Variants in CDH11 observed in about 807,000 individuals in gnomAD.
CDH11 encodes the protein cadherin-11.
CDH11 carries 11 observed loss-of-function variants against 67.8 expected under a neutral mutation model. The observed-to-expected ratio is 0.16, with a 90% CI of 0.10 to 0.27. The LOEUF (loss-of-function observed/expected upper bound fraction) is 0.27, where lower values mean the gene tolerates loss of function less well. Ranked by LOEUF, CDH11 falls within the 10% of genes least tolerant of loss-of-function variation. CDH11 has a pLI of 1.00. For synonymous variants in CDH11, 419 were observed against 400.0 expected, an observed-to-expected ratio of 1.05 and a Z score of -0.57; for missense variants, 847 against 1,031.2, an observed-to-expected ratio of 0.82 and a Z score of 2.45.
intron 1 of CDH11, among the ~76,000 whole-genome samples, chr16:65,085,536 C>G (rs1304868936): frequency 6.6e-6 from 1 of 152,332 alleles, no homozygotes; most frequent in East Asian, 1.9e-4. Context: ...TCCTCAAGTA[C>G]TTAACACGTG....
At chr16:65,048,547 A>G (rs1042303488) in intron 2 of CDH11, among the ~76,000 whole-genome samples, 3 of 148,682 alleles carry the variant, frequency 2.0e-5, no homozygotes, top group African/African-American at 7.9e-5. Context: ...GTGTGTGTGT[A>G]TATACATATA....
chr16:64,946,321 T>C lies in CDH11; in HGVS notation c.*1282A>G, dbSNP rs2071195568. On this transcript the variant is annotated 3_prime_UTR_variant, in exon 13 of 13. Coordinates refer to ENST00000268603, the MANE Select transcript of CDH11 (RefSeq NM_001797.4). ...TAACATTAGAGTCTGGGCAAATTTA[T>C]ATTTTTGACTCTAGTCCCCCAGTTC... The C allele has an allele frequency of 9.6e-7, 1 of 1,043,664 alleles. No individual in the cohort carries two copies. Among genetic ancestry groups the C allele is most frequent in the Admixed American group, 5.6e-5 (1 of 17,908 alleles). 64.7% of individuals were successfully genotyped at this position (1,043,664 alleles called of 1,614,324 possible).
Position 65,052,216 on chromosome 16 carries a change from C to T in CDH11, c.-173+1588G>A, listed in dbSNP as rs146923941. On this transcript the variant is annotated intron_variant, in intron 2 of 12. Coordinates refer to ENST00000268603, the MANE Select transcript of CDH11 (RefSeq NM_001797.4). ...CTAAGTGCATACTTTGGCCCAGATA[C>T]AGTACTTGCAACTGGGAGCACAGTG... 4.0e-3 allele frequency among the ~76,000 whole-genome samples: 606 copies of T among 152,224 alleles called. 14 individuals carry two copies. Among genetic ancestry groups the T allele is most frequent in the East Asian group, 2.5e-3 (13 of 5,162 alleles).
rs947981841 is a variant in CDH11 at position 65,053,561 on chromosome 16, C to T, written c.-173+243G>A. Among the ~76,000 whole-genome samples the T allele has an allele frequency of 2.0e-5, 3 of 152,314 alleles. No homozygotes were observed. The South Asian group carries it at 6.2e-4, about 32-fold the overall frequency. On this transcript the variant is annotated intron_variant, in intron 2 of 12. Coordinates refer to ENST00000268603, the MANE Select transcript of CDH11 (RefSeq NM_001797.4). ...TCCCTTTAGTTCCTTCTTTCTCCTCCAGATCTTACTATTACTAGCACATAA... is the reference window on the plus strand; with the variant it reads ...TCCCTTTAGTTCCTTCTTTCTCCTCTAGATCTTACTATTACTAGCACATAA...
intron 2 of CDH11, chr16:65,006,815 T>C (rs1432764003): frequency 2.0e-5 from 3 of 152,232 alleles, no homozygotes; most frequent in Non-Finnish European, 4.4e-5. Context: ...GTTGCAGGTC[T>C]TTGCCATGCT....
intron 1 of CDH11, among the ~76,000 whole-genome samples, chr16:65,089,920 T>G (rs1482049213): frequency 6.6e-6 from 1 of 152,158 alleles, no homozygotes; most frequent in Non-Finnish European, 1.5e-5. Flanking sequence ...TTATTTTCAA[T>G]AATAATATAT....
chr16:65,030,180 T>A (rs375448019), intron 2 of CDH11, among the ~76,000 whole-genome samples: 1 of 152,208 alleles, frequency 6.6e-6, no homozygotes, highest in African/African-American at 2.4e-5. Context: ...GAAATTAACT[T>A]GTGTGGGAAC....
In CDH11 at chr16:65,083,368, T is replaced by C. The variant is rs180986825; in HGVS notation, c.-297-29440A>G. The stretch of plus-strand genomic sequence containing the variant: ...TGAGAGCACATTATTATGCCTGACA[T>C]GGTAAGTGGCATTGAGCCAGGACAG... On this transcript the variant is annotated intron_variant, in intron 1 of 12. Transcript: ENST00000268603. Among the ~76,000 whole-genome samples the C allele has an allele frequency of 5.2e-3, 799 of 152,324 alleles. 9 individuals carry two copies. Among genetic ancestry groups the C allele is most frequent in the Middle Eastern group, 0.01 (3 of 294 alleles).
chr16:65,086,704 G>A (rs1281609996), intron 1 of CDH11, among the ~76,000 whole-genome samples: 1 of 152,172 alleles, frequency 6.6e-6, no homozygotes, highest in Non-Finnish European at 1.5e-5. Context: ...GAAGGCCAGG[G>A]TTAGGGCTCT....
intron 1 of CDH11, among the ~76,000 whole-genome samples, chr16:65,062,194 C>A (rs2062466916): frequency 6.6e-6 from 1 of 152,160 alleles, no homozygotes; most frequent in African/African-American, 2.4e-5. Flanking sequence ...CGAAGGAGAA[C>A]CCATGCATGT....
At chr16:64,989,967 A>G (rs1190515453) in intron 6 of CDH11, among the ~76,000 whole-genome samples, 2 of 152,148 alleles carry the variant, frequency 1.3e-5, no homozygotes, top group East Asian at 3.9e-4. Context: ...TGGATTCATA[A>G]TCTATTTAAT....
At chr16:65,009,790 T>C (rs1691072962) in intron 2 of CDH11, among the ~76,000 whole-genome samples, 1 of 151,970 alleles carries the variant, frequency 6.6e-6, no homozygotes, top group Non-Finnish European at 1.5e-5. Flanking sequence ...GAGGGAAAAA[T>C]AAATGTTGTT....
rs376887706 is a variant in CDH11 at position 65,108,397 on chromosome 16, T to C, written c.-298+13483A>G. 3.9e-5 allele frequency among the ~76,000 whole-genome samples: 6 copies of C among 152,292 alleles called. No homozygotes were observed. In the South Asian group the frequency reaches 1.2e-3, roughly 32 times the overall value. ...CCCAGCTCTAACTACTAAATTGCAA[T>C]TTTTACTCTAAGATAATAATACTGA... On this transcript the variant is annotated intron_variant, in intron 1 of 12. Transcript: ENST00000268603.
intron 1 of CDH11, among the ~76,000 whole-genome samples, chr16:65,078,845 G>A (rs1348694327): frequency 6.6e-6 from 1 of 152,148 alleles, no homozygotes; most frequent in African/African-American, 2.4e-5. Context: ...GTATTTGGCA[G>A]AATGTCAACC....
At chr16:65,051,789 T>A (rs1246828437) in intron 2 of CDH11, among the ~76,000 whole-genome samples, 1 of 152,194 alleles carries the variant, frequency 6.6e-6, no homozygotes, top group Non-Finnish European at 1.5e-5. Flanking sequence ...TCTGCCACCT[T>A]GTGAAGAAGA....
intron 7 of CDH11, chr16:64,987,842 G>T (rs865862863): frequency 3.1e-5 from 7 of 225,960 alleles, no homozygotes; most frequent in Non-Finnish European, 6.0e-5. Flanking sequence ...GCTCAGGGCT[G>T]CTTCTTCAAA....
At chr16:65,050,558 T>C (rs909097470) in intron 2 of CDH11, among the ~76,000 whole-genome samples, 5 of 152,192 alleles carry the variant, frequency 3.3e-5, no homozygotes, top group Non-Finnish European at 7.3e-5. Flanking sequence ...TTCTTCAAAA[T>C]CCTTACAGTG....
chr16:65,068,413 GAAAAAAAAAAAAAAAAA>G (rs57968272), intron 1 of CDH11, among the ~76,000 whole-genome samples: 2 of 100,184 alleles, frequency 2.0e-5, no homozygotes, highest in Non-Finnish European at 4.0e-5. Context: ...TATGACTACA[GAAAAAAAAAAAAAAAAA>G]AAAAAAAAAG....
At chr16:65,031,173 A>G (rs1272645108) in intron 2 of CDH11, among the ~76,000 whole-genome samples, 1 of 152,216 alleles carries the variant, frequency 6.6e-6, no homozygotes, top group Non-Finnish European at 1.5e-5. Context: ...TCTTTTCAGA[A>G]TGCAGCACTC....
Sources: gnomAD v4.1 joint callset for allele counts (sites outside exome capture counted in the v4.1 genomes callset) on GRCh38, gnomAD v4.1.1 for gene constraint, MANE v1.5 for transcripts, NCBI Gene and HGNC (gene_info 2026-07-23, HGNC 2026-07-21) for gene names.